Variants in C17orf99 observed in about 807,000 individuals in gnomAD.
The protein encoded by C17orf99 is protein IL-40.
In C17orf99, 18 loss-of-function variants were observed where a neutral mutation model predicts 22.6. The observed-to-expected ratio is 0.80, with a 90% CI of 0.55 to 1.18. The LOEUF is 1.18. Ranked by LOEUF, C17orf99 falls within the 50% of genes most tolerant of loss-of-function variation. The probability of loss-of-function intolerance (pLI) is 0.00; values close to 1 mark genes in which losing one functional copy is unlikely to be tolerated. For synonymous variants in C17orf99, 147 were observed against 136.6 expected (o/e 1.08, Z -0.53); for missense variants, 328 against 342.7 (o/e 0.96, Z 0.34).
intron 2 of C17orf99, among the ~76,000 whole-genome samples, chr17:78,153,676 C>G (rs73375770): frequency 2.6e-5 from 4 of 152,004 alleles, no homozygotes; most frequent in Non-Finnish European, 4.4e-5. Flanking sequence ...AAAGGGTGAT[C>G]GCGTGTCAGC....
At chr17:78,165,715 T>C in intron 4 of C17orf99, 174 bp from the exon 5 acceptor site, 3 of 1,043,824 alleles carry the variant, frequency 2.9e-6, no homozygotes. Context: ...GGCAGGAGAA[T>C]CACTTGAACC....
intron 2 of C17orf99, 42 bp from the exon 3 acceptor site, chr17:78,160,913 T>C (rs1215394261): frequency 6.7e-6 from 10 of 1,490,978 alleles, no homozygotes; most frequent in African/African-American, 1.4e-5. Flanking sequence ...GCTTGATCAA[T>C]GTCGGTTTCT....
chr17:78,149,520 T>C (rs1197295814), intron 2 of C17orf99, among the ~76,000 whole-genome samples: 1 of 151,918 alleles, frequency 6.6e-6, no homozygotes, highest in Non-Finnish European at 1.5e-5. Context: ...TCTGCGTAGG[T>C]TGGCTTTTTG....
At chr17:78,157,371 G>A (rs1024902630) in intron 2 of C17orf99, 3 of 1,085,500 alleles carry the variant, frequency 2.8e-6, no homozygotes, top group Non-Finnish European at 3.8e-6. Context: ...CTCACAGCCA[G>A]TGGACAGGGT....
chr17:78,162,420 G>A (rs542901060), intron 3 of C17orf99, among the ~76,000 whole-genome samples: 1 of 152,002 alleles, frequency 6.6e-6, no homozygotes, highest in East Asian at 1.9e-4. Flanking sequence ...CTTGGTGGGA[G>A]CTATGGGGTA....
chr17:78,164,247 T>C lies in C17orf99; in HGVS notation c.523T>C (p.Cys175Arg), dbSNP rs2075600497. 3 of 1,551,410 alleles carry C rather than the reference T, an allele frequency of 1.9e-6. No homozygotes were observed. Among genetic ancestry groups the C allele is most frequent in the African/African-American group, 2.7e-5 (2 of 73,058 alleles). Residue 175 changes from cysteine to arginine, a missense_variant, in exon 4 of 5, where the codon TGC becomes CGC. By Grantham distance (180) the Cys-to-Arg change is radical. Transcript: ENST00000340363. ...DGQVHLQQRP[C>R]HRQPANFSFL... The stretch of plus-strand genomic sequence containing the variant: ...GCAGGTCCACCTGCAGCAGAGACCA[T>C]GCCACAGGCAGCCTGCCAACTTCTC...
chr17:78,163,211 A>C (rs967598575), intron 3 of C17orf99, among the ~76,000 whole-genome samples: 2 of 152,196 alleles, frequency 1.3e-5, no homozygotes, highest in Non-Finnish European at 2.9e-5. Context: ...CGGTGATCAC[A>C]CCATTGCACT....
intron 2 of C17orf99, among the ~76,000 whole-genome samples, chr17:78,148,356 A>G (rs1319936123): frequency 3.3e-5 from 5 of 152,026 alleles, no homozygotes; most frequent in African/African-American, 4.8e-5. Flanking sequence ...ATTTTTTTGT[A>G]TAAAGAAAAT....
intron 2 of C17orf99, chr17:78,157,957 T>C: frequency 1.7e-6 from 2 of 1,184,552 alleles, no homozygotes; most frequent in Admixed American, 3.5e-5. Context: ...AATATGGAGA[T>C]ATCTGCCTGT....
At chr17:78,154,386 C>T (rs1243250488) in intron 2 of C17orf99, among the ~76,000 whole-genome samples, 1 of 151,308 alleles carries the variant, frequency 6.6e-6, no homozygotes, top group South Asian at 2.1e-4. Flanking sequence ...CCATCTCTAC[C>T]AAAAATACAA....
In C17orf99 at chr17:78,157,412, G is replaced by A. The variant is rs564893625; in HGVS notation, c.71-3543G>A. On this transcript the variant is annotated intron_variant, in intron 2 of 4. Transcript: ENST00000340363. ...CAGTGAGTTCGTGCGAGTTGGAATC[G>A]AAGCCTCTTAAAATGGCAGATGATT... The A allele has an allele frequency of 1.1e-5, 14 of 1,286,984 alleles. No homozygotes were observed. The Admixed American group carries it at 1.3e-4, about 12-fold the overall frequency. 79.7% of individuals were successfully genotyped at this position (1,286,984 alleles called of 1,614,324 possible). A position where few individuals can be genotyped will look rare whatever the true frequency, so the allele number is the denominator to read the frequency against.
intron 2 of C17orf99, among the ~76,000 whole-genome samples, chr17:78,156,991 C>CT (rs935333497): frequency 1.5e-5 from 2 of 132,392 alleles, no homozygotes; most frequent in Non-Finnish European, 3.5e-5. Context: ...CTAATATTTT[C>CT]TTTTTTTAGA....
At chr17:78,154,432 C>T (rs565879276) in intron 2 of C17orf99, among the ~76,000 whole-genome samples, 218 of 152,184 alleles carry the variant, frequency 1.4e-3, no homozygotes, top group African/African-American at 5.1e-3. Flanking sequence ...TCTGTAATCC[C>T]AGCTACTCGG....
chr17:78,165,640 T>TA (rs2075611739), intron 4 of C17orf99: 1 of 918,306 alleles, frequency 1.1e-6, no homozygotes, highest in African/African-American at 1.8e-5. Flanking sequence ...CCGTCTCTAC[T>TA]AAAAATACAA....
chr17:78,165,778 G>GA (rs1255473703), intron 4 of C17orf99, 111 bp from the exon 5 acceptor site: 2 of 1,256,976 alleles, frequency 1.6e-6, no homozygotes, highest in Non-Finnish European at 2.0e-6. Context: ...CTCCAGCCTG[G>GA]ACAAAAAGAG....
chr17:78,164,030 T>C, intron 3 of C17orf99, 65 bp from the exon 4 acceptor site: 19 of 1,344,506 alleles, frequency 1.4e-5, no homozygotes, highest in Admixed American at 2.0e-5. Flanking sequence ...TGAGGAGAAC[T>C]TACTGAGGAG....
chr17:78,151,309 C>T (rs1291325920), intron 2 of C17orf99, among the ~76,000 whole-genome samples: 2 of 150,492 alleles, frequency 1.3e-5, no homozygotes, highest in African/African-American at 4.9e-5. Context: ...CCTGTAATCC[C>T]AGCTACTCAG....
At position 78,146,735 on chromosome 17, in the gene C17orf99, T is replaced by A. The variant is rs567395863; in HGVS notation, c.38-144T>A. 472 of 785,814 alleles carry A rather than the reference T, an allele frequency of 6.0e-4. 1 individual carries two copies. Among genetic ancestry groups the A allele is most frequent in the Admixed American group, 1.3e-3 (54 of 41,232 alleles). 48.7% of individuals were successfully genotyped at this position (785,814 alleles called of 1,614,324 possible). ...AGGGGCGCAAAAGAGCTTTTGTGAG[T>A]GATGGTGCCAGCTGAGTCCTGGGGC... On this transcript the variant is annotated intron_variant, in intron 1 of 4. Transcript: ENST00000340363. The surrounding 1 kb of genome is among the most constrained non-coding windows in gnomAD (Gnocchi z 5.2).
chr17:78,149,507 A>G (rs2075462462), intron 2 of C17orf99, among the ~76,000 whole-genome samples: 1 of 152,004 alleles, frequency 6.6e-6, no homozygotes, highest in African/African-American at 2.4e-5. Flanking sequence ...TCGAAAGATG[A>G]TCTCTGCGTA....
Sources: gnomAD v4.1 joint callset for allele counts (sites outside exome capture counted in the v4.1 genomes callset) on GRCh38, gnomAD v4.1.1 for gene constraint, Gnocchi (gnomAD v3.1) non-coding constraint, MANE v1.5 for transcripts, NCBI Gene and HGNC (gene_info 2026-07-23, HGNC 2026-07-21) for gene names.